Variants in OTOF observed in about 807,000 individuals in gnomAD.
OTOF encodes the protein fer-1-like family member 2.
Under a neutral mutation model 236.8 loss-of-function variants are expected in OTOF, and 218 were observed. The observed-to-expected ratio is 0.92, with a 90% CI of 0.82 to 1.03. The LOEUF (loss-of-function observed/expected upper bound fraction) is 1.03, where lower values mean the gene tolerates loss of function less well. Ranked by LOEUF, OTOF falls within the 50% of genes least tolerant of loss-of-function variation. The pLI is 0.00. For synonymous variants in OTOF, 1,041 were observed against 1,072.5 expected (o/e 0.97, Z 0.57); for missense variants, 2,590 against 2,694.4 (o/e 0.96, Z 0.86).
chr2:26,528,117 GC>G, intron 2 of OTOF, among the ~76,000 whole-genome samples, 197 bp from the exon 3 acceptor site: 1 of 152,128 alleles, frequency 6.6e-6, no homozygotes, highest in East Asian at 1.9e-4. Flanking sequence ...CGGCATTGTT[GC>G]CCACTCCTCT....
chr2:26,478,064 A>G (rs760905832), intron 18 of OTOF: 11 of 1,425,534 alleles, frequency 7.7e-6, no homozygotes, highest in Non-Finnish European at 1.0e-5. Flanking sequence ...AGGGCTGGCC[A>G]GAGACAGAGG....
Position 26,460,327 on chromosome 2 carries a change from T to G in OTOF, c.5814-122A>C. On this transcript the variant is annotated intron_variant, in intron 45 of 46. Transcript: ENST00000272371. The surrounding 1 kb of genome is among the most constrained non-coding windows in gnomAD (Gnocchi z 5.3). Reference sequence around the variant, plus strand: ...CTGTGTGTGCAGTTCTAGGCACCCCTCTGGCCATCAAGGCTGGCCATGGCC... The same window carrying G: ...CTGTGTGTGCAGTTCTAGGCACCCCGCTGGCCATCAAGGCTGGCCATGGCC... The G allele has an allele frequency of 2.4e-6, 2 of 835,254 alleles. No homozygotes were observed. The highest frequency in any genetic ancestry group is 3.9e-6 in the Non-Finnish European group (2 of 511,520). The allele number at this position is 835,254 out of a possible 1,614,324, so 51.7% of individuals were successfully genotyped here.
At position 26,470,508 on chromosome 2, in the gene OTOF, C is replaced by T. The variant is rs1664922457; in HGVS notation, c.4023+85G>A. 8 of 1,370,762 alleles carry T rather than the reference C, an allele frequency of 5.8e-6. No homozygotes were observed. The highest frequency in any genetic ancestry group is 5.8e-5 in the South Asian group (5 of 86,088). 84.9% of individuals were successfully genotyped at this position (1,370,762 alleles called of 1,614,324 possible). A position where few individuals can be genotyped will look rare whatever the true frequency, so the allele number is the denominator to read the frequency against. ...TCACATGAATGGAGTTGGGATCCAG[C>T]TCTTGGGGGCCGTGGGAAAGAAGCT... On this transcript the variant is annotated intron_variant, in intron 32 of 46. Transcript: ENST00000272371. This position sits in a 1 kb window ranked among gnomAD's most constrained non-coding sequence, Gnocchi z 4.3.
intron 2 of OTOF, among the ~76,000 whole-genome samples, chr2:26,533,308 G>T (rs1343284805): frequency 6.6e-6 from 1 of 152,136 alleles, no homozygotes; most frequent in Non-Finnish European, 1.5e-5. Flanking sequence ...AAAAGGTTGG[G>T]GACTGCTGCT....
At chr2:26,487,395 G>A (rs762415349) in intron 11 of OTOF, among the ~76,000 whole-genome samples, 2 of 152,078 alleles carry the variant, frequency 1.3e-5, no homozygotes, top group Non-Finnish European at 2.9e-5. Context: ...AGCAAATCTC[G>A]AGCTAGGTTA....
At position 26,476,957 on chromosome 2, in the gene OTOF, C is replaced by T. The variant is rs1665329906; in HGVS notation, c.2610G>A (p.Leu870=). 2 of 1,611,828 alleles carry T rather than the reference C, an allele frequency of 1.2e-6. No homozygotes were observed. Among genetic ancestry groups the T allele is most frequent in the African/African-American group, 2.7e-5 (2 of 74,890 alleles). ...TCTCCTCCTCCACGATGGAGAAGAG[C>T]AGGTCCTTGGAGGGCACACGGGCAT... is the stretch of plus-strand genomic sequence containing the variant. ...VAYARVPSKD[L]LFSIVEEETG... is the part of the protein sequence containing the mutation. Residue 870 remains leucine, a synonymous_variant, in exon 22 of 47, where the codon CTG becomes CTA. Coordinates refer to ENST00000272371, the MANE Select transcript of OTOF (RefSeq NM_194248.3).
chr2:26,516,635 G>A (rs747553691), intron 4 of OTOF, 36 bp from the exon 5 acceptor site: 1 of 1,596,542 alleles, frequency 6.3e-7, no homozygotes, highest in Non-Finnish European at 8.5e-7. Flanking sequence ...CAGCTGGGAT[G>A]GTGACAGCAA....
intron 30 of OTOF, chr2:26,472,264 C>T: frequency 1.9e-6 from 1 of 535,256 alleles, no homozygotes; most frequent in Non-Finnish European, 3.4e-6. Context: ...TGCATGCACA[C>T]ACACATGCAC....
intron 3 of OTOF, among the ~76,000 whole-genome samples, chr2:26,523,297 G>A (rs1050842079): frequency 3.3e-5 from 5 of 152,192 alleles, no homozygotes; most frequent in African/African-American, 7.2e-5. Context: ...TGTTCCAAAC[G>A]GGGCCAAGCA....
At chr2:26,472,431 C>T in intron 30 of OTOF, 88 bp downstream of exon 30, 2 of 1,551,258 alleles carry the variant, frequency 1.3e-6, no homozygotes, top group Non-Finnish European at 1.8e-6. Flanking sequence ...GTGTCCTTTT[C>T]TCTCGGGGCA....
chr2:26,503,910 C>G (rs1304593771), intron 5 of OTOF, 65 bp from the exon 6 acceptor site: 68 of 1,399,334 alleles, frequency 4.9e-5, no homozygotes, highest in Non-Finnish European at 2.0e-5. Context: ...CACACAAACA[C>G]AGAAGAGCCA....
intron 11 of OTOF, 77 bp from the exon 12 acceptor site, chr2:26,484,710 G>C (rs1048943757): frequency 6.6e-7 from 1 of 1,507,578 alleles, no homozygotes; most frequent in Non-Finnish European, 9.1e-7. Flanking sequence ...CAGGCCAAGG[G>C]GTGGCAGAAC....
rs2272069 is a variant in OTOF at position 26,476,987 on chromosome 2, G to C, written c.2580C>G (p.Val860=). ...FIWMMSNNKR[V]AYARVPSKDL... is the part of the protein sequence containing the mutation. The stretch of plus-strand genomic sequence containing the variant: ...CCTTGGAGGGCACACGGGCATAGGC[G>C]ACACGCTTGTTGTTGCTCATCATCC... The change falls in exon 22 of 47, where the codon GTC becomes GTG. Residue 860 remains valine (V), a synonymous_variant. Transcript: ENST00000272371. 663,910 of 1,609,828 alleles carry C rather than the reference G, an allele frequency of 0.41. 144,973 individuals carry two copies. Among genetic ancestry groups the C allele is most frequent in the East Asian group, 0.84 (37,511 of 44,794 alleles).
At chr2:26,531,485 G>GT (rs1468094659) in intron 2 of OTOF, among the ~76,000 whole-genome samples, 1 of 152,178 alleles carries the variant, frequency 6.6e-6, no homozygotes, top group Non-Finnish European at 1.5e-5. Context: ...ACGGCAGAAT[G>GT]TGTTTAGTTT....
At chr2:26,491,838 C>G (rs13397811) in intron 9 of OTOF, among the ~76,000 whole-genome samples, 1 of 152,216 alleles carries the variant, frequency 6.6e-6, no homozygotes, top group Non-Finnish European at 1.5e-5. Context: ...CCCAGGGGAG[C>G]GAGCTAGCTG....
At chr2:26,535,775 G>A (rs866893772) in intron 2 of OTOF, among the ~76,000 whole-genome samples, 45 of 152,156 alleles carry the variant, frequency 3.0e-4, no homozygotes, top group African/African-American at 1.0e-3. Context: ...CTAGATGCTC[G>A]GAATGTGGCC....
chr2:26,458,214 G>C lies in OTOF; in HGVS notation c.*24C>G. On this transcript the variant is annotated 3_prime_UTR_variant, in exon 47 of 47. Coordinates refer to ENST00000272371, the MANE Select transcript of OTOF (RefSeq NM_194248.3). Reference sequence around the variant, plus strand: ...TGAGGAACCAGACGAAGGCCGTGTCGGGCCGGCTGGGAAGTGGAAGAGAGG... The same window carrying C: ...TGAGGAACCAGACGAAGGCCGTGTCCGGCCGGCTGGGAAGTGGAAGAGAGG... 3 of 1,579,996 alleles carry C rather than the reference G, an allele frequency of 1.9e-6. No individual in the cohort carries two copies. The highest frequency in any genetic ancestry group is 2.6e-6 in the Non-Finnish European group (3 of 1,162,920).
intron 16 of OTOF, 81 bp from the exon 17 acceptor site, chr2:26,479,734 G>C: frequency 2.1e-6 from 3 of 1,419,950 alleles, no homozygotes; most frequent in Non-Finnish European, 3.0e-6. Context: ...GCTGCCTTGG[G>C]TTTGGGAAAG....
chr2:26,467,330 A>G (rs765352721), intron 34 of OTOF, 35 bp downstream of exon 34: 1 of 1,612,470 alleles, frequency 6.2e-7, no homozygotes, highest in East Asian at 2.2e-5. Context: ...TCCCGCCCCC[A>G]CACACCCTAG....
Sources: gnomAD v4.1 joint callset for allele counts (sites outside exome capture counted in the v4.1 genomes callset) on GRCh38, gnomAD v4.1.1 for gene constraint, Gnocchi (gnomAD v3.1) non-coding constraint, MANE v1.5 for transcripts, NCBI Gene and HGNC (gene_info 2026-07-23, HGNC 2026-07-21) for gene names.